Variants in CEP290 observed in about 807,000 individuals in gnomAD.
CEP290 encodes centrosomal protein 290, also known as centrosomal protein of 290 kDa.
Under a neutral mutation model 344.9 loss-of-function variants are expected in CEP290, and 317 were observed. The ratio of observed to expected loss-of-function variants is 0.92; its 90% confidence interval spans 0.84 to 1.01. CEP290 has a LOEUF of 1.01. CEP290 is among the 50% of genes least tolerant of loss of function. The probability of loss-of-function intolerance (pLI) is 0.00; values close to 1 mark genes in which losing one functional copy is unlikely to be tolerated. For missense variants in CEP290, 2,754 were observed against 2,761.4 expected, an observed-to-expected ratio of 1.00 and a Z score of 0.06; for synonymous variants, 932 against 895.8, an observed-to-expected ratio of 1.04 and a Z score of -0.72.
At chr12:88,083,259 G>A (rs758255093) in intron 36 of CEP290, 29 bp from the exon 37 acceptor site, 1 of 1,278,258 alleles carries the variant, frequency 7.8e-7, no homozygotes, top group Admixed American at 3.6e-5. Flanking sequence ...TTAGCAATAG[G>A]CATGTATAAT....
intron 44 of CEP290, among the ~76,000 whole-genome samples, chr12:88,066,209 T>C (rs1002443188): frequency 6.6e-6 from 1 of 152,218 alleles, no homozygotes; most frequent in South Asian, 2.1e-4. Context: ...CAAACTTTTA[T>C]TCTGTATCTC....
intron 6 of CEP290, among the ~76,000 whole-genome samples, chr12:88,134,013 A>G (rs2138168974): frequency 6.6e-6 from 1 of 152,272 alleles, no homozygotes; most frequent in South Asian, 2.1e-4. Context: ...GACGTGCCTT[A>G]CAATCACTTC....
chr12:88,103,006 C>T lies in CEP290; in HGVS notation c.2823G>A (p.Met941Ile), dbSNP rs2137544228. Residue 941 changes from methionine to isoleucine, a missense_variant, in exon 26 of 54, where the codon ATG becomes ATA. Transcript: ENST00000552810. The part of the protein sequence containing the change: ...KIGCLQRFKE[M>I]AIFKIAALQK... ...GGAGAGCTGCAATCTTGAAAATGGC[C>T]ATTTCCTATGTAAATAAAGATACAC... 6.5e-7 allele frequency: 1 copy of T among 1,541,700 alleles called. No homozygotes were observed. Among genetic ancestry groups the T allele is most frequent in the Non-Finnish European group, 8.7e-7 (1 of 1,151,614 alleles).
At position 88,090,654 on chromosome 12, in the gene CEP290, T is replaced by A. The variant is rs992040401; in HGVS notation, c.3573+74A>T. On this transcript the variant is annotated intron_variant, in intron 30 of 53. Coordinates refer to ENST00000552810, the MANE Select transcript of CEP290 (RefSeq NM_025114.4). ...CGAAACAAACAAAAAGTATAACATA[T>A]CCCACTCCCAACATCTAATGTAAAT... 6.6e-5 allele frequency: 59 copies of A among 892,560 alleles called. No individual in the cohort carries two copies. The African/African-American group carries it at 9.0e-4, about 14-fold the overall frequency. 55.3% of individuals were successfully genotyped at this position (892,560 alleles called of 1,614,324 possible). A position where few individuals can be genotyped will look rare whatever the true frequency, so the allele number is the denominator to read the frequency against.
rs762783922 is a variant in CEP290 at position 88,101,480 on chromosome 12, CAAA to C, written c.2991+1355_2991+1357del. Among the ~76,000 whole-genome samples, 52 of 44,262 alleles carry C rather than the reference CAAA, an allele frequency of 1.2e-3. No individual in the cohort carries two copies. The East Asian group carries it at 0.027, about 23-fold the overall frequency. The allele number at this position is 44,262 out of a possible 152,430, so 29.0% of individuals were successfully genotyped here. A position where few individuals can be genotyped will look rare whatever the true frequency, so the allele number is the denominator to read the frequency against. On this transcript the variant is annotated intron_variant, in intron 26 of 53. Coordinates refer to ENST00000552810, the MANE Select transcript of CEP290 (RefSeq NM_025114.4). ...TGGGTGACAGAGCGAGACTCTGCCT[CAAA>C]AAAAAAAAAAAAAAAAAAAAAATTA...
chr12:88,124,556 CAT>C (rs1045952222), intron 13 of CEP290, among the ~76,000 whole-genome samples: 21 of 151,974 alleles, frequency 1.4e-4, no homozygotes, highest in South Asian at 1.2e-3. Flanking sequence ...TACACACACA[CAT>C]ATGACATGTA....
chr12:88,115,512 A>G (rs1016057431), intron 18 of CEP290: 41 of 1,296,888 alleles, frequency 3.2e-5, no homozygotes, highest in Non-Finnish European at 4.0e-5. Context: ...TTCAAGCTCT[A>G]TATCTGCATT....
At chr12:88,074,273 C>A (rs1227339838) in intron 41 of CEP290, among the ~76,000 whole-genome samples, 1 of 152,188 alleles carries the variant, frequency 6.6e-6, no homozygotes, top group East Asian at 1.9e-4. Context: ...TTATTAATTT[C>A]ATTTTTTCTG....
chr12:88,107,924 G>T (rs1286224311), intron 23 of CEP290, among the ~76,000 whole-genome samples: 1 of 151,126 alleles, frequency 6.6e-6, no homozygotes, highest in Non-Finnish European at 1.5e-5. Context: ...AAAAAAGTAT[G>T]CGAGGTAATA....
At position 88,049,230 on chromosome 12, in the gene CEP290, T is replaced by G. The variant is rs761068453; in HGVS notation, c.7394A>C (p.Glu2465Ala). The G allele has an allele frequency of 1.4e-5, 22 of 1,604,206 alleles. No individual in the cohort carries two copies. Among genetic ancestry groups the G allele is most frequent in the Non-Finnish European group, 1.8e-5 (21 of 1,177,658 alleles). ...AGGACTTTCTTCTTCATCTTCAAAC[T>G]CTTCAGAAGCAGCAACAGGGCTAGT... ...ELTSPVAASE[E>A]FEDEEESPVN... The change falls in exon 54 of 54, where the codon GAG becomes GCG. Residue 2465 changes from glutamate (E) to alanine (A), a missense_variant. Physicochemically the swap from Glu to Ala is moderately radical, Grantham distance 107 (BLOSUM62 -1). Coordinates refer to ENST00000552810, the MANE Select transcript of CEP290 (RefSeq NM_025114.4).
intron 11 of CEP290, among the ~76,000 whole-genome samples, chr12:88,127,350 T>C (rs1225513600): frequency 6.6e-6 from 1 of 152,140 alleles, no homozygotes; most frequent in Admixed American, 6.5e-5. Context: ...TAGCTGCGCA[T>C]GGCGGCACAT....
chr12:88,049,282 G>GT lies in CEP290; in HGVS notation c.7341dup (p.Leu2448ThrfsTer8), dbSNP rs281865189. Reference sequence around the variant, plus strand: ...AATTCAACTCCCAATTGTTCTGAAAGTTTTTTTACCTTCTCTTCTAAGAGA... The same window carrying GT: ...AATTCAACTCCCAATTGTTCTGAAAGTTTTTTTTACCTTCTCTTCTAAGAGA... On this transcript the variant is annotated frameshift_variant, in exon 54 of 54. Transcript: ENST00000552810. LOFTEE classifies it high-confidence loss of function. 37 of 1,609,044 alleles carry GT rather than the reference G, an allele frequency of 2.3e-5. No individual in the cohort carries two copies. The highest frequency in any genetic ancestry group is 2.5e-5 in the Non-Finnish European group (29 of 1,177,632).
intron 14 of CEP290, among the ~76,000 whole-genome samples, chr12:88,120,773 C>G (rs2039351770): frequency 6.6e-6 from 1 of 152,156 alleles, no homozygotes; most frequent in South Asian, 2.1e-4. Context: ...TTCACCAAAA[C>G]TGATTATTTG....
intron 49 of CEP290, 170 bp downstream of exon 49, chr12:88,058,677 GA>G (rs1486938470): frequency 2.9e-6 from 2 of 691,260 alleles, no homozygotes; most frequent in Non-Finnish European, 4.8e-6. Flanking sequence ...TTTCAAGGAA[GA>G]AAAAGTCTCC....
At position 88,136,776 on chromosome 12, in the gene CEP290, T is replaced by G. The variant is rs766609759; in HGVS notation, c.308A>C (p.Gln103Pro). The change falls in exon 6 of 54, where the codon CAG (glutamine) becomes CCG (proline). Residue 103 changes from glutamine (Q) to proline (P), a missense_variant. Coordinates refer to ENST00000552810, the MANE Select transcript of CEP290 (RefSeq NM_025114.4). ...CCGAGTATCTCGTCCACCTGCAGACTGCTGAGCCATCTTAAAGTAATAAAC... is the reference window on the plus strand; with the variant it reads ...CCGAGTATCTCGTCCACCTGCAGACGGCTGAGCCATCTTAAAGTAATAAAC... ...KLENELEMAQ[Q>P]SAGGRDTRFL... The G allele has an allele frequency of 6.2e-7, 1 of 1,613,624 alleles. No individual in the cohort carries two copies. Among genetic ancestry groups the G allele is most frequent in the Non-Finnish European group, 8.5e-7 (1 of 1,179,722 alleles).
intron 23 of CEP290, among the ~76,000 whole-genome samples, chr12:88,107,381 T>C (rs913380821): frequency 2.6e-5 from 4 of 152,056 alleles, no homozygotes; most frequent in Admixed American, 6.5e-5. Context: ...CTGAATCTTA[T>C]AAACATTTTA....
intron 23 of CEP290, among the ~76,000 whole-genome samples, chr12:88,108,284 C>T (rs1038810690): frequency 8.6e-5 from 13 of 151,974 alleles, no homozygotes; most frequent in Non-Finnish European, 1.3e-4. Context: ...CAAATGAGAT[C>T]GGAGTCAATG....
In CEP290 at chr12:88,086,138, A is replaced by G. The variant is rs778901888; in HGVS notation, c.4338T>C (p.Ser1446=). ...EEATGSIPDP[S]LPLPNQLEIA... ...TCTCAAGTTGATTTGGAAGGGGCAA[A>G]CTAGGGTCAGGGATTGATCCTGTAG... The change falls in exon 34 of 54, where the codon AGT becomes AGC. Residue 1446 remains serine (S), a synonymous_variant. Coordinates refer to ENST00000552810, the MANE Select transcript of CEP290 (RefSeq NM_025114.4). The G allele has an allele frequency of 3.1e-6, 5 of 1,613,082 alleles. No homozygotes were observed. The African/African-American group carries it at 4.0e-5, about 13-fold the overall frequency.
chr12:88,077,872 G>A lies in CEP290; in HGVS notation c.5411C>T (p.Ala1804Val). The A allele has an allele frequency of 7.1e-7, 1 of 1,415,972 alleles. No individual in the cohort carries two copies. Among genetic ancestry groups the A allele is most frequent in the Non-Finnish European group, 9.6e-7 (1 of 1,044,658 alleles). 87.7% of individuals were successfully genotyped at this position (1,415,972 alleles called of 1,614,324 possible). ...TTCTCTGTTTTTACTTGTTTTAAGT[G>A]CTTCTTTCAATTTTAAAAGATTTTC... Reference protein sequence around the residue: ...LNENLLKLKEALKTSKNRENS... With the variant: ...LNENLLKLKEVLKTSKNRENS... The change falls in exon 40 of 54, where the codon GCA (alanine) becomes GTA (valine). Residue 1804 changes from alanine to valine, a missense_variant. Ala to Val is a moderately conservative substitution (Grantham distance 64, BLOSUM62 0). Coordinates refer to ENST00000552810, the MANE Select transcript of CEP290 (RefSeq NM_025114.4).
Sources: gnomAD v4.1 joint callset for allele counts (sites outside exome capture counted in the v4.1 genomes callset) on GRCh38, gnomAD v4.1.1 for gene constraint, MANE v1.5 for transcripts, NCBI Gene and HGNC (gene_info 2026-07-23, HGNC 2026-07-21) for gene names.